The following ARB2A variants were observed in gnomAD, a reference collection of about 807,000 sequenced individuals.
ARB2A encodes the protein cotranscriptional regulator ARB2A.
chr5:93,867,631 T>C, the ARB2A span, among the ~76,000 whole-genome samples: 1 of 152,064 alleles, frequency 6.6e-6, no homozygotes, highest in African/African-American at 2.4e-5. Context: ...TTGGTCAGGA[T>C]GGACTCGATC....
At chr5:93,767,812 G>A in the ARB2A span, among the ~76,000 whole-genome samples, 1 of 151,514 alleles carries the variant, frequency 6.6e-6, no homozygotes, top group Non-Finnish European at 1.5e-5. Context: ...GGCTAACACG[G>A]CAAAACCCCG....
chr5:93,655,051 C>T, the ARB2A span, among the ~76,000 whole-genome samples: 1 of 152,174 alleles, frequency 6.6e-6, no homozygotes, highest in African/African-American at 2.4e-5. Flanking sequence ...TGATTCTGCA[C>T]AAATCACCTT....
chr5:93,632,868 C>T, the ARB2A span, among the ~76,000 whole-genome samples: 1 of 152,194 alleles, frequency 6.6e-6, no homozygotes, highest in Non-Finnish European at 1.5e-5. Context: ...TGGAGTTGAA[C>T]TAGAAATAAC....
chr5:93,820,513 G>A, the ARB2A span, among the ~76,000 whole-genome samples: 2 of 152,146 alleles, frequency 1.3e-5, no homozygotes, highest in East Asian at 1.9e-4. Context: ...TTTAAAACTA[G>A]TATAAGGCAA....
chr5:93,907,863 G>A, the ARB2A span, among the ~76,000 whole-genome samples: 1 of 151,194 alleles, frequency 6.6e-6, no homozygotes, highest in Non-Finnish European at 1.5e-5. Flanking sequence ...ATTTGCTTCT[G>A]TTTTAATATT....
the ARB2A span, among the ~76,000 whole-genome samples, chr5:93,834,753 T>C: frequency 2.6e-5 from 4 of 152,184 alleles, no homozygotes; most frequent in Non-Finnish European, 4.4e-5. Context: ...AACGCAAATT[T>C]GTGTCATTCC....
At chr5:93,737,118 G>A in the ARB2A span, 1 of 152,058 alleles carries the variant, frequency 6.6e-6, no homozygotes, top group East Asian at 1.9e-4. Context: ...AATCAACACA[G>A]GAAAATCAGT....
At chr5:94,106,266 G>A in the ARB2A span, among the ~76,000 whole-genome samples, 7 of 151,798 alleles carry the variant, frequency 4.6e-5, no homozygotes, top group Non-Finnish European at 8.8e-5. Flanking sequence ...GGATCTATAA[G>A]GAACTTAAAC....
chr5:93,895,271 T>C, the ARB2A span, among the ~76,000 whole-genome samples: 112 of 152,302 alleles, frequency 7.4e-4, 1 homozygote, highest in South Asian at 0.022. Context: ...TTTTTGATCA[T>C]GGATATGTAA....
At chr5:94,084,500 A>C in the ARB2A span, among the ~76,000 whole-genome samples, 11 of 152,220 alleles carry the variant, frequency 7.2e-5, no homozygotes, top group Admixed American at 7.2e-4. Flanking sequence ...ATCTAAGGGA[A>C]TTCTACTCAA....
the ARB2A span, among the ~76,000 whole-genome samples, chr5:93,970,872 G>C: frequency 1.3e-5 from 2 of 152,120 alleles, no homozygotes; most frequent in Non-Finnish European, 2.9e-5. Flanking sequence ...TTTCACAAAT[G>C]AGCCCAAAGG....
chr5:94,014,311 T>A, the ARB2A span, among the ~76,000 whole-genome samples: 1 of 152,168 alleles, frequency 6.6e-6, no homozygotes, highest in African/African-American at 2.4e-5. Context: ...AGCACTCCAA[T>A]CATTTACTGG....
At chr5:94,063,171 G>A in the ARB2A span, among the ~76,000 whole-genome samples, 1 of 151,886 alleles carries the variant, frequency 6.6e-6, no homozygotes, top group Non-Finnish European at 1.5e-5. Flanking sequence ...GTGGGAAGAG[G>A]GCAGGTCCAC....
the ARB2A span, among the ~76,000 whole-genome samples, chr5:93,656,833 T>C: frequency 2.1e-4 from 32 of 152,184 alleles, no homozygotes; most frequent in Admixed American, 1.4e-3. Context: ...AACTTAGTTT[T>C]GGAGGACCCC....
At chr5:94,017,250 T>C in the ARB2A span, among the ~76,000 whole-genome samples, 194 of 152,322 alleles carry the variant, frequency 1.3e-3, no homozygotes, top group Non-Finnish European at 2.4e-3. Context: ...ATTTGAAGGA[T>C]AGCTTGGCTG....
chr5:93,669,061 G>A, the ARB2A span, among the ~76,000 whole-genome samples: 8 of 152,120 alleles, frequency 5.3e-5, no homozygotes, highest in East Asian at 1.9e-4. Flanking sequence ...ATAAGTTGAC[G>A]GAACTATAAC....
chr5:93,876,382 C>G, the ARB2A span, among the ~76,000 whole-genome samples: 2 of 152,032 alleles, frequency 1.3e-5, no homozygotes, highest in African/African-American at 4.8e-5. Flanking sequence ...AAATCAATCC[C>G]CTTAATAAAC....
chr5:94,040,176 C>T, the ARB2A span, among the ~76,000 whole-genome samples: 7 of 152,098 alleles, frequency 4.6e-5, no homozygotes, highest in Admixed American at 1.3e-4. Context: ...AGGATGTTAA[C>T]TGCTTTTCTC....
At chr5:94,062,681 C>T in the ARB2A span, among the ~76,000 whole-genome samples, 2 of 152,118 alleles carry the variant, frequency 1.3e-5, no homozygotes, top group African/African-American at 4.8e-5. Context: ...ATACACAACT[C>T]CTGAGTCCCA....
Sources: allele counts gnomAD v4.1 joint callset (sites outside exome capture counted in the v4.1 genomes callset), GRCh38; gene constraint gnomAD v4.1.1; transcripts MANE v1.5; gene names NCBI Gene and HGNC (gene_info 2026-07-23, HGNC 2026-07-21).